Variants in ASIC5 observed in about 807,000 individuals in gnomAD.
ASIC5 encodes acid sensing ion channel subunit family member 5.
A neutral mutation model predicts 51.2 loss-of-function variants in ASIC5; 52 were observed. The ratio of observed to expected loss-of-function variants is 1.02; its 90% CI spans 0.81 to 1.28. The LOEUF is 1.28. Ranked by LOEUF, ASIC5 falls within the 50% of genes most tolerant of loss-of-function variation. ASIC5 has a pLI of 0.00. For missense variants in ASIC5, 635 were observed against 595.0 expected (o/e 1.07, Z -0.70); for synonymous variants, 231 against 200.7 (o/e 1.15, Z -1.28).
At chr4:155,844,473 C>A (rs1297089975) in intron 4 of ASIC5, among the ~76,000 whole-genome samples, 1 of 152,040 alleles carries the variant, frequency 6.6e-6, no homozygotes, top group Non-Finnish European at 1.5e-5. Flanking sequence ...CTTGCAAATT[C>A]TTTTTAAAGA....
intron 2 of ASIC5, chr4:155,855,244 A>G (rs1422362814): frequency 6.6e-6 from 1 of 151,980 alleles, no homozygotes; most frequent in Non-Finnish European, 1.5e-5. Flanking sequence ...AATCTGTATA[A>G]CCTACCTCAA....
chr4:155,863,905 G>T, intron 1 of ASIC5, 151 bp from the exon 2 acceptor site: 2 of 689,282 alleles, frequency 2.9e-6, no homozygotes, highest in Non-Finnish European at 4.7e-6. Flanking sequence ...TTTGTTGCAT[G>T]ATTTATTCAG....
chr4:155,838,890 C>T (rs748458340), intron 6 of ASIC5, 21 bp from the exon 7 acceptor site: 5 of 1,355,050 alleles, frequency 3.7e-6, no homozygotes, highest in African/African-American at 1.5e-5. Flanking sequence ...ATAAGTGTAA[C>T]ATATAGAGAC....
intron 1 of ASIC5, chr4:155,864,580 A>G (rs921279909): frequency 6.6e-5 from 10 of 152,178 alleles, no homozygotes; most frequent in Non-Finnish European, 1.2e-4. Flanking sequence ...GGGCTTCACA[A>G]TGGAAGATCA....
chr4:155,846,461 C>A (rs1741243970), intron 4 of ASIC5, among the ~76,000 whole-genome samples: 2 of 152,090 alleles, frequency 1.3e-5, no homozygotes, highest in South Asian at 4.1e-4. Context: ...TGGCTTTAGG[C>A]AGCCTAGTCC....
rs371696830 is a variant in ASIC5 at position 155,843,670 on chromosome 4, C to A, written c.861+11G>T. ...CTACCCCACCTAATTTCCTCAGACT[C>A]GAGTATTTACCTTCACTTGGCGGAT... On this transcript the variant is annotated intron_variant, in intron 5 of 9. Transcript: ENST00000537611. 1.2e-6 allele frequency: 2 copies of A among 1,612,850 alleles called. No homozygotes were observed. The highest frequency in any genetic ancestry group is 1.7e-6 in the Non-Finnish European group (2 of 1,179,328).
At chr4:155,845,110 G>T (rs1039919428) in intron 4 of ASIC5, among the ~76,000 whole-genome samples, 4 of 152,082 alleles carry the variant, frequency 2.6e-5, no homozygotes, top group Admixed American at 1.3e-4. Context: ...AAAAAGGAAA[G>T]ATTTTTTATT....
At chr4:155,852,495 T>A (rs1009859715) in intron 3 of ASIC5, among the ~76,000 whole-genome samples, 179 bp from the exon 4 acceptor site, 6 of 151,210 alleles carry the variant, frequency 4.0e-5, no homozygotes, top group South Asian at 2.1e-4. Context: ...GTAATATGCA[T>A]TCGTCAATTT....
chr4:155,850,298 C>T (rs1290557607), intron 4 of ASIC5, among the ~76,000 whole-genome samples: 3 of 151,992 alleles, frequency 2.0e-5, no homozygotes, highest in African/African-American at 7.2e-5. Flanking sequence ...TCTCACCTAC[C>T]TATGACCTTG....
chr4:155,831,585 C>A (rs2111221484), intron 9 of ASIC5, among the ~76,000 whole-genome samples: 1 of 152,218 alleles, frequency 6.6e-6, no homozygotes, highest in East Asian at 1.9e-4. Flanking sequence ...TCCTGGCCAA[C>A]ACGGTGAAAC....
chr4:155,858,469 A>C (rs1579298589), intron 2 of ASIC5, among the ~76,000 whole-genome samples: 1 of 152,240 alleles, frequency 6.6e-6, no homozygotes, highest in Non-Finnish European at 1.5e-5. Flanking sequence ...GAGGCTAAAA[A>C]ATGGAAATAC....
chr4:155,843,837 C>G lies in ASIC5; in HGVS notation c.712-7G>C. 1 of 1,612,580 alleles carries G rather than the reference C, an allele frequency of 6.2e-7. No individual in the cohort carries two copies. Among genetic ancestry groups the G allele is most frequent in the Non-Finnish European group, 8.5e-7 (1 of 1,179,320 alleles). ...GGTTATCAGTGAATGCCTCCTGAAA[C>G]AAAAATATGTTTTTGCCCAAATTGC... On this transcript the variant is annotated splice_region_variant and splice_polypyrimidine_tract_variant and intron_variant, in intron 4 of 9. Coordinates refer to ENST00000537611, the MANE Select transcript of ASIC5 (RefSeq NM_017419.3).
chr4:155,863,670 G>T lies in ASIC5; in HGVS notation c.125C>A (p.Ala42Asp). The T allele has an allele frequency of 6.2e-7, 1 of 1,613,888 alleles. No homozygotes were observed. Among genetic ancestry groups the T allele is most frequent in the Non-Finnish European group, 8.5e-7 (1 of 1,179,878 alleles). ...TERKKFDHDF[A>D]ISTSFHGIHN... Reference sequence around the variant, plus strand: ...TATCCCATGAAAGGAAGTGGAGATGGCAAAGTCATGGTCAAACTTCTTTCG... The same window carrying T: ...TATCCCATGAAAGGAAGTGGAGATGTCAAAGTCATGGTCAAACTTCTTTCG... The change falls in exon 2 of 10, where the codon GCC (alanine) becomes GAC (aspartate). Residue 42 changes from alanine to aspartate, a missense_variant. Transcript: ENST00000537611.
chr4:155,854,624 GA>G (rs1327911416), intron 2 of ASIC5: 19 of 334,758 alleles, frequency 5.7e-5, no homozygotes, highest in Non-Finnish European at 1.0e-4. Flanking sequence ...ATGCATTTAG[GA>G]GCCAGATTTC....
At chr4:155,830,772 C>T (rs937355668) in intron 9 of ASIC5, among the ~76,000 whole-genome samples, 1 of 152,142 alleles carries the variant, frequency 6.6e-6, no homozygotes, top group African/African-American at 2.4e-5. Flanking sequence ...TCTCCTCGGC[C>T]CATGACAACC....
chr4:155,838,929 T>A, intron 6 of ASIC5, 60 bp from the exon 7 acceptor site: 1 of 914,750 alleles, frequency 1.1e-6, no homozygotes, highest in African/African-American at 1.7e-5. Context: ...AGTGATCTAA[T>A]GACAAAAATA....
chr4:155,858,687 A>T (rs963593091), intron 2 of ASIC5, among the ~76,000 whole-genome samples: 2 of 152,102 alleles, frequency 1.3e-5, no homozygotes, highest in African/African-American at 4.8e-5. Context: ...GAAAAAGGAA[A>T]GAACAAAAAG....
chr4:155,863,922 A>T (rs1741791000), intron 1 of ASIC5, among the ~76,000 whole-genome samples, 168 bp from the exon 2 acceptor site: 1 of 152,198 alleles, frequency 6.6e-6, no homozygotes, highest in South Asian at 2.1e-4. Context: ...TCAGGAATCA[A>T]GAAGTGTAAG....
chr4:155,863,080 C>A (rs1344965162), intron 2 of ASIC5, among the ~76,000 whole-genome samples: 1 of 152,100 alleles, frequency 6.6e-6, no homozygotes, highest in Non-Finnish European at 1.5e-5. Flanking sequence ...CAGTGGCTCA[C>A]ATCTATAATT....
Sources: allele counts gnomAD v4.1 joint callset (sites outside exome capture counted in the v4.1 genomes callset), GRCh38; gene constraint gnomAD v4.1.1; transcripts MANE v1.5; gene names NCBI Gene and HGNC (gene_info 2026-07-23, HGNC 2026-07-21).